The following C2 variants were observed in gnomAD, a reference collection of about 807,000 sequenced individuals.
C2 encodes the protein C3/C5 convertase.
In C2, 64 loss-of-function variants were observed where a neutral mutation model predicts 85.2. The observed-to-expected ratio is 0.75, with a 90% CI of 0.61 to 0.92. The LOEUF is 0.92. Ranked by LOEUF, C2 falls within the 40% of genes least tolerant of loss-of-function variation. The pLI, the probability that C2 is intolerant of heterozygous loss-of-function variation, is 0.00. For synonymous variants in C2, 311 were observed against 370.8 expected (o/e 0.84, Z 1.85); for missense variants, 820 against 971.6 (o/e 0.84, Z 2.07).
At chr6:31,934,457 T>C (rs1471937168) in intron 6 of C2, 158 bp downstream of exon 6, 8 of 1,256,760 alleles carry the variant, frequency 6.4e-6, no homozygotes, top group Non-Finnish European at 8.0e-6. Context: ...ATTCAATTTA[T>C]ACAATCATAA....
At chr6:31,910,717 C>T (rs1368335739) in intron 1 of C2, among the ~76,000 whole-genome samples, 6 of 152,042 alleles carry the variant, frequency 3.9e-5, no homozygotes, top group South Asian at 2.1e-4. Flanking sequence ...CGGTGGCCCA[C>T]ACCTGTAATC....
At chr6:31,925,545 G>A (rs1326422590), upstream of C2, among the ~76,000 whole-genome samples, 7 of 152,022 alleles carry the variant, frequency 4.6e-5, no homozygotes, top group African/African-American at 1.4e-4. Context: ...CCCCTGCCTC[G>A]GCCTCCCAAA....
At chr6:31,930,390 G>A (rs951614725) in intron 3 of C2, among the ~76,000 whole-genome samples, 1 of 152,104 alleles carries the variant, frequency 6.6e-6, no homozygotes, top group Non-Finnish European at 1.5e-5. Flanking sequence ...CCTTGTTTTT[G>A]TTTCTTTAAG....
In C2 at chr6:31,927,810, G is replaced by T. The variant is rs1228934744; in HGVS notation, c.46+12G>T. On this transcript the variant is annotated intron_variant, in intron 1 of 17. Transcript: ENST00000299367. The surrounding 1 kb of genome is among the most constrained non-coding windows in gnomAD (Gnocchi z 4.7). ...GTTCCTGTACCCAGGTAGGAGGCAG[G>T]GAAGGGGGAACGTCAGGGTCCTGTG... 4 of 1,613,442 alleles carry T rather than the reference G, an allele frequency of 2.5e-6. No homozygotes were observed.
At chr6:31,901,957 G>GAC (rs374684075) in intron 1 of C2, 10,135 of 147,158 alleles carry the variant, frequency 0.069, 560 homozygotes, top group African/African-American at 0.13. Context: ...GGATGCACGG[G>GAC]ACGCGCGCGC....
At chr6:31,941,484 CCTTT>C in intron 9 of C2, 1 of 152,358 alleles carries the variant, frequency 6.6e-6, no homozygotes, top group South Asian at 2.1e-4. Context: ...TGTCCAAATT[CCTTT>C]CTTCTTTTTC....
intron 1 of C2, among the ~76,000 whole-genome samples, chr6:31,912,435 T>C (rs901650060): frequency 1.3e-5 from 2 of 152,198 alleles, no homozygotes; most frequent in African/African-American, 4.8e-5. Context: ...AATTTCAGTC[T>C]GTTCTATAAA....
intron 1 of C2, among the ~76,000 whole-genome samples, chr6:31,907,065 G>C (rs1021082223): frequency 3.3e-5 from 5 of 151,402 alleles, no homozygotes; most frequent in Non-Finnish European, 5.9e-5. Context: ...GCTTGAACCT[G>C]GGAGGCAGAG....
At chr6:31,918,576 C>T (rs912455756), upstream of C2, among the ~76,000 whole-genome samples, 2 of 150,956 alleles carry the variant, frequency 1.3e-5, no homozygotes, top group East Asian at 1.9e-4. Flanking sequence ...GCCTGGGTGA[C>T]AGTGAGACCC....
intron 2 of C2, 140 bp from the exon 3 acceptor site, chr6:31,928,592 A>C: frequency 1.3e-6 from 1 of 789,358 alleles, no homozygotes; most frequent in Non-Finnish European, 2.1e-6. Context: ...GCAATTTCAC[A>C]TGTTGCAACC....
intron 6 of C2, chr6:31,934,525 G>A: frequency 7.5e-7 from 1 of 1,335,706 alleles, no homozygotes; most frequent in Non-Finnish European, 1.0e-6. Flanking sequence ...CAGCAAAGAT[G>A]GAAAGGCTGA....
chr6:31,921,288 A>T lies in C2; in HGVS notation c.-100+1262A>T, dbSNP rs1483591361. Among the ~76,000 whole-genome samples, 3 of 149,342 alleles carry T rather than the reference A, an allele frequency of 2.0e-5. No individual in the cohort carries two copies. Among genetic ancestry groups the T allele is most frequent in the African/African-American group, 7.4e-5 (3 of 40,650 alleles). On this transcript the variant is annotated intron_variant, in intron 1 of 3. Coordinates refer to the C2 transcript ENST00000413154. The surrounding 1 kb of genome is among the most constrained non-coding windows in gnomAD (Gnocchi z 4.6). ...ACCTTACTTGGATAGCTCATTGTTT[A>T]AAAAAAAAACTCCTGGATCCTTCCT...
intron 3 of C2, among the ~76,000 whole-genome samples, chr6:31,933,153 G>A (rs1216420498): frequency 6.6e-6 from 1 of 152,074 alleles, no homozygotes; most frequent in Non-Finnish European, 1.5e-5. Context: ...GGGAGAGGGA[G>A]CTCTAGGAAC....
intron 4 of C2, 32 bp downstream of exon 4, chr6:31,933,815 TCGGCACACC>T: frequency 6.2e-7 from 1 of 1,613,756 alleles, no homozygotes; most frequent in Non-Finnish European, 8.5e-7. Flanking sequence ...CTGAGATTCC[TCGGCACACC>T]CGGCCACTGC....
intron 1 of C2, among the ~76,000 whole-genome samples, chr6:31,911,371 T>A (rs1768088281): frequency 1.3e-5 from 2 of 151,696 alleles, no homozygotes; most frequent in Admixed American, 1.3e-4. Context: ...AAAAGTGAAA[T>A]AAGACTTTTA....
At chr6:31,899,555 C>G (rs1335386572), upstream of C2, 1 of 130,004 alleles carries the variant, frequency 7.7e-6, no homozygotes, top group Admixed American at 8.8e-5. Context: ...CCCTTCTTAT[C>G]TCGAGAAATG....
chr6:31,900,045 C>T (rs1562534259), upstream of C2: 3 of 1,612,610 alleles, frequency 1.9e-6, no homozygotes, highest in Middle Eastern at 1.7e-4. This position sits in a 1 kb window ranked among gnomAD's most constrained non-coding sequence, Gnocchi z 9.7. Flanking sequence ...AAGCGCACGT[C>T]GCAGTAGGAG....
At position 31,935,466 on chromosome 6, in the gene C2, TTA is replaced by T. The variant is rs1410489584; in HGVS notation, c.850-455_850-454del. The T allele has an allele frequency of 3.7e-5, 5 of 133,828 alleles. No homozygotes were observed. The East Asian group carries it at 7.6e-4, about 20-fold the overall frequency. 8.3% of individuals were successfully genotyped at this position (133,828 alleles called of 1,614,324 possible). A position where few individuals can be genotyped will look rare whatever the true frequency, so the allele number is the denominator to read the frequency against. ...TAGCTGCTGCTGTTCCTTATTTTTATTATTATTATTATTATTATTATTTTTGA... is the reference window on the plus strand; with the variant it reads ...TAGCTGCTGCTGTTCCTTATTTTTATTTATTATTATTATTATTATTTTTGA... On this transcript the variant is annotated intron_variant, in intron 6 of 17. Coordinates refer to ENST00000299367, the MANE Select transcript of C2 (RefSeq NM_000063.6). The surrounding 1 kb of genome is among the most constrained non-coding windows in gnomAD (Gnocchi z 4.3).
At chr6:31,941,444 T>C (rs1260383216) in intron 9 of C2, 1 of 152,292 alleles carries the variant, frequency 6.6e-6, no homozygotes, top group Non-Finnish European at 1.5e-5. Context: ...TTCTCTTATA[T>C]AGATAGGAGA....
Sources: gnomAD v4.1 joint callset for allele counts (sites outside exome capture counted in the v4.1 genomes callset) on GRCh38, gnomAD v4.1.1 for gene constraint, Gnocchi (gnomAD v3.1) non-coding constraint, MANE v1.5 for transcripts, NCBI Gene and HGNC (gene_info 2026-07-23, HGNC 2026-07-21) for gene names.